SNRPN: variants seen among roughly 807,000 people sequenced by gnomAD.
The protein encoded by SNRPN is small nuclear ribonucleoprotein-associated protein N.
Under a neutral mutation model 25.2 loss-of-function variants are expected in SNRPN, and 7 were observed. The observed-to-expected ratio is 0.28, with a 90% CI of 0.16 to 0.52. SNRPN has a LOEUF of 0.52. Among genes scored for constraint, SNRPN ranks in the 20% least tolerant of loss-of-function variants. The probability of loss-of-function intolerance (pLI) is 0.96; values close to 1 mark genes in which losing one functional copy is unlikely to be tolerated. For synonymous variants in SNRPN, 124 were observed against 110.6 expected (o/e 1.12, Z -0.76); for missense variants, 196 against 322.5 (o/e 0.61, Z 3.00).
intron 2 of SNRPN, among the ~76,000 whole-genome samples, chr15:24,896,170 G>T (rs1414346651): frequency 6.6e-6 from 1 of 152,156 alleles, no homozygotes; most frequent in Non-Finnish European, 1.5e-5. Context: ...TTACCAGCTG[G>T]TCTGATGGGA....
chr15:24,825,639 C>T (rs1420335180), intron 1 of SNRPN, among the ~76,000 whole-genome samples: 1 of 152,098 alleles, frequency 6.6e-6, no homozygotes, highest in Non-Finnish European at 1.5e-5. Flanking sequence ...GCCTACCTTA[C>T]TGAACATCAT....
chr15:24,839,457 A>G (rs966167942), intron 2 of SNRPN, among the ~76,000 whole-genome samples: 6 of 152,036 alleles, frequency 3.9e-5, no homozygotes, highest in African/African-American at 1.5e-4. Flanking sequence ...AGCTGTTTTG[A>G]TAGTCTTTGT....
intron 4 of SNRPN, 109 bp from the exon 5 acceptor site, chr15:24,975,244 TGTTTA>T: frequency 2.6e-6 from 2 of 770,824 alleles, no homozygotes; most frequent in Admixed American, 2.3e-5. Flanking sequence ...AGAGAATATT[TGTTTA>T]GTTAAGGAAA....
intron 2 of SNRPN, among the ~76,000 whole-genome samples, chr15:24,918,568 A>T (rs1181894461): frequency 8.1e-5 from 7 of 86,698 alleles, no homozygotes; most frequent in Non-Finnish European, 1.6e-4. Flanking sequence ...AACATAATAT[A>T]TATGTATATA....
At chr15:24,936,764 C>T (rs1386603341) in intron 3 of SNRPN, among the ~76,000 whole-genome samples, 1 of 152,018 alleles carries the variant, frequency 6.6e-6, no homozygotes, top group African/African-American at 2.4e-5. Flanking sequence ...GGAAATCCAC[C>T]CCTGTGATCT....
chr15:24,835,585 T>G (rs565458972), intron 2 of SNRPN, among the ~76,000 whole-genome samples: 119 of 152,208 alleles, frequency 7.8e-4, no homozygotes, highest in Admixed American at 1.6e-3. Flanking sequence ...CCATCAGAGT[T>G]GTCTATTCTG....
chr15:24,857,192 C>T (rs185625823), intron 1 of SNRPN, among the ~76,000 whole-genome samples: 2 of 148,864 alleles, frequency 1.3e-5, no homozygotes, highest in Non-Finnish European at 3.0e-5. Context: ...CAGAACATTG[C>T]GACTCCCATT....
At chr15:24,885,045 G>T (rs562649767) in intron 1 of SNRPN, among the ~76,000 whole-genome samples, 2 of 152,298 alleles carry the variant, frequency 1.3e-5, no homozygotes, top group East Asian at 3.9e-4. Context: ...ACGTGCAGAT[G>T]GGTTGAGAGC....
At chr15:24,875,597 T>TC (rs900027169) in intron 1 of SNRPN, among the ~76,000 whole-genome samples, 1 of 152,066 alleles carries the variant, frequency 6.6e-6, no homozygotes, top group Non-Finnish European at 1.5e-5. Flanking sequence ...AAATCAATTT[T>TC]CCCCCCATTG....
In SNRPN at chr15:24,920,385, C is replaced by G. The variant is rs2059957803; in HGVS notation, c.-391+261C>G. 3.3e-5 allele frequency: 5 copies of G among 152,154 alleles called. No individual in the cohort carries two copies. In the South Asian group the frequency reaches 1.0e-3, roughly 31 times the overall value. The allele number at this position is 152,154 out of a possible 1,614,324, so 9.4% of individuals were successfully genotyped here. A position where few individuals can be genotyped will look rare whatever the true frequency, so the allele number is the denominator to read the frequency against. ...AGTATATCCCTCTGGCAAGAGCAGT[C>G]ATTTCCCCACTTGAGTGTGCATTAG... is the stretch of plus-strand genomic sequence containing the variant. On this transcript the variant is annotated intron_variant, in intron 3 of 11. Transcript: ENST00000400097.
rs553146107 is a variant in SNRPN, at chr15:24,862,626, C to CA, written c.-579+5913dup. Among the ~76,000 whole-genome samples, 191 of 151,108 alleles carry CA rather than the reference C, an allele frequency of 1.3e-3. 4 individuals carry two copies. Among genetic ancestry groups the CA allele is most frequent in the Non-Finnish European group, 1.9e-3 (131 of 68,022 alleles). On this transcript the variant is annotated intron_variant, in intron 1 of 11. Coordinates refer to the SNRPN transcript ENST00000400097. ...AGGGGAACAACATAGACAAAGTTTC[C>CA]AAATTCTCAGGTGTTTAAGACGAGT...
chr15:24,854,868 T>A (rs1294048104), upstream of SNRPN, among the ~76,000 whole-genome samples: 1 of 152,030 alleles, frequency 6.6e-6, no homozygotes, highest in Admixed American at 6.6e-5. Context: ...GGTGTGGTGA[T>A]GGGCACCTGC....
chr15:24,977,870 A>C lies in SNRPN; in HGVS notation c.513A>C (p.Gly171=). ...IAGAPTQYPP[G]RGTPPPPVGR... is the part of the protein sequence containing the mutation. ...GAGCCCCAACACAGTACCCACCAGG[A>C]CGGGGCACTCCGCCCCCACCCGTCG... Residue 171 remains glycine, a synonymous_variant, in exon 8 of 10, where the codon GGA becomes GGC. Transcript: ENST00000390687. 1 of 1,610,038 alleles carries C rather than the reference A, an allele frequency of 6.2e-7. No homozygotes were observed. The highest frequency in any genetic ancestry group is 8.5e-7 in the Non-Finnish European group (1 of 1,177,748).
chr15:24,842,836 T>C (rs183902203), intron 2 of SNRPN, among the ~76,000 whole-genome samples: 1 of 152,324 alleles, frequency 6.6e-6, no homozygotes, highest in East Asian at 1.9e-4. Flanking sequence ...GAGGACTGTT[T>C]TGCATTTTCA....
chr15:24,841,711 C>G (rs1023226883), intron 2 of SNRPN, among the ~76,000 whole-genome samples: 1 of 152,198 alleles, frequency 6.6e-6, no homozygotes, highest in Non-Finnish European at 1.5e-5. Flanking sequence ...AGCCACACTG[C>G]GTAAGATTTC....
chr15:24,892,614 G>C (rs888722969), intron 2 of SNRPN, among the ~76,000 whole-genome samples: 8 of 91,000 alleles, frequency 8.8e-5, no homozygotes. Context: ...GCACATGCCT[G>C]TAATCCCAGC....
chr15:24,976,163 TA>T (rs1404661260), intron 5 of SNRPN, 141 bp from the exon 6 acceptor site: 5 of 669,288 alleles, frequency 7.5e-6, no homozygotes, highest in East Asian at 5.4e-5. Flanking sequence ...TGTTTACAGA[TA>T]TTTTTTGGCT....
rs1220729529 is a variant in SNRPN, at chr15:24,935,514, T to C, written c.-391+15390T>C. 7.2e-5 allele frequency among the ~76,000 whole-genome samples: 11 copies of C among 152,124 alleles called. No homozygotes were observed. In the South Asian group the frequency reaches 2.1e-3, roughly 29 times the overall value. On this transcript the variant is annotated intron_variant, in intron 3 of 11. Transcript: ENST00000400097. Reference sequence around the variant, plus strand: ...CCATGAGTGGATAGGGAATGTTTTGTTTCTTGAGTGGGAAGTGGGAAGCAT... The same window carrying C: ...CCATGAGTGGATAGGGAATGTTTTGCTTCTTGAGTGGGAAGTGGGAAGCAT...
chr15:24,909,547 C>G, intron 2 of SNRPN: 2 of 1,443,240 alleles, frequency 1.4e-6, no homozygotes, highest in Non-Finnish European at 1.9e-6. Flanking sequence ...CATAATTTGT[C>G]GGGCCAACCT....
Sources: gnomAD v4.1 joint callset for allele counts (sites outside exome capture counted in the v4.1 genomes callset) on GRCh38, gnomAD v4.1.1 for gene constraint, MANE v1.5 for transcripts, NCBI Gene and HGNC (gene_info 2026-07-23, HGNC 2026-07-21) for gene names.